CALCRL: variants seen among roughly 807,000 people sequenced by gnomAD.
The protein encoded by CALCRL is calcitonin receptor like receptor.
CALCRL carries 27 observed loss-of-function variants against 60.4 expected under a neutral mutation model. The observed-to-expected ratio is 0.45, with a 90% confidence interval of 0.33 to 0.62. CALCRL has a LOEUF of 0.62. Ranked by LOEUF, CALCRL falls within the 20% of genes least tolerant of loss-of-function variation. CALCRL has a pLI of 0.03. For synonymous variants in CALCRL, 190 were observed against 182.6 expected (o/e 1.04, Z -0.33); for missense variants, 424 against 540.7 (o/e 0.78, Z 2.14).
chr2:187,373,219 C>T (rs999755019), intron 8 of CALCRL, among the ~76,000 whole-genome samples: 5 of 152,202 alleles, frequency 3.3e-5, no homozygotes, highest in African/African-American at 1.2e-4. Context: ...GAGACTCCTG[C>T]TCTCACAAAG....
At chr2:187,391,072 T>C in intron 1 of CALCRL, among the ~76,000 whole-genome samples, 1 of 152,154 alleles carries the variant, frequency 6.6e-6, no homozygotes, top group Admixed American at 6.6e-5. Context: ...CATAATGCCA[T>C]TGCAAATATA....
chr2:187,387,649 A>C lies in CALCRL; in HGVS notation c.-202+17T>G, dbSNP rs1385516645. On this transcript the variant is annotated intron_variant, in intron 2 of 14. Coordinates refer to ENST00000392370, the MANE Select transcript of CALCRL (RefSeq NM_005795.6). ...ATTAAATTTTACCATGAGAAAATTT[A>C]ATTTCCCAATACTTACATGCACAAT... 2.3e-5 allele frequency: 9 copies of C among 396,448 alleles called. No individual in the cohort carries two copies. The highest frequency in any genetic ancestry group is 3.1e-5 in the Non-Finnish European group (7 of 224,866). The allele number at this position is 396,448 out of a possible 1,614,324, so 24.6% of individuals were successfully genotyped here.
At position 187,342,884 on chromosome 2, in the gene CALCRL, A is replaced by T. The variant is rs540847034; in HGVS notation, c.*3300T>A. Among the ~76,000 whole-genome samples, 10 of 151,652 alleles carry T rather than the reference A, an allele frequency of 6.6e-5. No individual in the cohort carries two copies. In the East Asian group the frequency reaches 1.9e-3, roughly 29 times the overall value. On this transcript the variant is annotated 3_prime_UTR_variant, in exon 15 of 15. Coordinates refer to ENST00000392370, the MANE Select transcript of CALCRL (RefSeq NM_005795.6). ...TAAACGAAATCTTTGAAACATTTTC[A>T]TTTTATATTTGTGTGAGAGCCATGA...
intron 1 of CALCRL, among the ~76,000 whole-genome samples, chr2:187,400,170 A>G (rs1029811967): frequency 2.0e-5 from 3 of 151,520 alleles, no homozygotes; most frequent in African/African-American, 7.3e-5. Context: ...ATCACTACAC[A>G]TTGTATGTAT....
At chr2:187,372,511 T>C (rs1039287490) in intron 8 of CALCRL, among the ~76,000 whole-genome samples, 6 of 152,046 alleles carry the variant, frequency 3.9e-5, no homozygotes, top group African/African-American at 1.5e-4. Context: ...AACTGAAGTA[T>C]ATCTGGTGAA....
intron 8 of CALCRL, among the ~76,000 whole-genome samples, chr2:187,365,542 C>A (rs567390500): frequency 6.6e-6 from 1 of 152,274 alleles, no homozygotes; most frequent in East Asian, 1.9e-4. Flanking sequence ...ACACATATAT[C>A]TAAGTCCATT....
intron 1 of CALCRL, among the ~76,000 whole-genome samples, chr2:187,400,221 A>AT (rs201645031): frequency 6.6e-5 from 10 of 150,472 alleles, no homozygotes; most frequent in African/African-American, 2.2e-4. Context: ...ATTATGTGTC[A>AT]TTTTTTTAAA....
intron 8 of CALCRL, among the ~76,000 whole-genome samples, chr2:187,371,460 C>T (rs1487798932): frequency 1.3e-5 from 2 of 151,874 alleles, no homozygotes; most frequent in African/African-American, 4.8e-5. Context: ...CTTGTCAAAC[C>T]TCTGACAGTG....
intron 1 of CALCRL, among the ~76,000 whole-genome samples, chr2:187,431,620 C>A (rs143660277): frequency 6.6e-6 from 1 of 152,170 alleles, no homozygotes; most frequent in East Asian, 1.9e-4. Flanking sequence ...GGAACTCCAA[C>A]AGGCACAAAC....
chr2:187,410,862 A>C (rs565759470), intron 1 of CALCRL, among the ~76,000 whole-genome samples: 2 of 152,190 alleles, frequency 1.3e-5, no homozygotes, highest in African/African-American at 4.8e-5. Flanking sequence ...CAAGAGGCTC[A>C]AAGTGTGTGT....
chr2:187,419,384 G>C (rs910829879), intron 1 of CALCRL, among the ~76,000 whole-genome samples: 3 of 152,122 alleles, frequency 2.0e-5, no homozygotes, highest in Admixed American at 1.3e-4. Flanking sequence ...GCAATAAGAA[G>C]GTGACCCTCT....
At position 187,345,903 on chromosome 2, in the gene CALCRL, G is replaced by A. The variant is rs1479169331; in HGVS notation, c.*281C>T. The A allele has an allele frequency of 1.5e-5, 4 of 270,552 alleles. No individual in the cohort carries two copies. The highest frequency in any genetic ancestry group is 1.6e-4 in the East Asian group (2 of 12,750). The allele number at this position is 270,552 out of a possible 1,614,324, so 16.8% of individuals were successfully genotyped here. ...TTACACCAGCTCAGAAAAGTTGATT[G>A]TGCTTTTCTCCAATTCCACACTTGG... On this transcript the variant is annotated 3_prime_UTR_variant, in exon 15 of 15. Coordinates refer to ENST00000392370, the MANE Select transcript of CALCRL (RefSeq NM_005795.6).
intron 8 of CALCRL, among the ~76,000 whole-genome samples, chr2:187,374,173 C>T (rs941632133): frequency 6.6e-6 from 1 of 151,584 alleles, no homozygotes; most frequent in Non-Finnish European, 1.5e-5. Context: ...ATCTCTAAAA[C>T]AAGAAAGAAA....
In CALCRL at chr2:187,346,007, T is replaced by C. The variant is rs1686254758; in HGVS notation, c.*177A>G. ...ACATTACAAACCAGGATTTCTTTTT[T>C]CCCACATAGAGCTGGATGTTACACT... On this transcript the variant is annotated 3_prime_UTR_variant, in exon 15 of 15. Coordinates refer to ENST00000392370, the MANE Select transcript of CALCRL (RefSeq NM_005795.6). The C allele has an allele frequency of 2.0e-6, 1 of 495,046 alleles. No individual in the cohort carries two copies. Among genetic ancestry groups the C allele is most frequent in the Non-Finnish European group, 3.6e-6 (1 of 279,942 alleles). The allele number at this position is 495,046 out of a possible 1,614,324, so 30.7% of individuals were successfully genotyped here.
At chr2:187,381,226 A>G (rs1386356126) in intron 5 of CALCRL, among the ~76,000 whole-genome samples, 1 of 152,032 alleles carries the variant, frequency 6.6e-6, no homozygotes, top group East Asian at 1.9e-4. Flanking sequence ...ATATTCCAAT[A>G]TTTCCTATTA....
At position 187,386,975 on chromosome 2, in the gene CALCRL, G is replaced by A. The variant is rs148088510; in HGVS notation, c.-37+354C>T. On this transcript the variant is annotated intron_variant, in intron 3 of 14. Coordinates refer to ENST00000392370, the MANE Select transcript of CALCRL (RefSeq NM_005795.6). ...ATGATTGTGAGGCCTTCCCAGCCAC[G>A]TGAAACTGTAAGTGCATTAAACCTC... 7.2e-5 allele frequency among the ~76,000 whole-genome samples: 11 copies of A among 152,284 alleles called. No homozygotes were observed. In the East Asian group the frequency reaches 1.9e-3, roughly 27 times the overall value.
chr2:187,410,379 A>G (rs1689305666), intron 1 of CALCRL, among the ~76,000 whole-genome samples: 1 of 152,098 alleles, frequency 6.6e-6, no homozygotes, highest in Admixed American at 6.5e-5. Flanking sequence ...TTTACAGAAG[A>G]GAAGAGATAT....
intron 8 of CALCRL, among the ~76,000 whole-genome samples, chr2:187,374,071 T>C (rs1016478064): frequency 1.5e-4 from 23 of 151,866 alleles, no homozygotes; most frequent in Admixed American, 1.2e-3. Flanking sequence ...GGAGGCTGGG[T>C]GGGGGAGGAT....
intron 1 of CALCRL, among the ~76,000 whole-genome samples, chr2:187,402,316 T>A (rs1052819183): frequency 4.4e-4 from 67 of 151,776 alleles, no homozygotes; most frequent in African/African-American, 1.2e-3. Flanking sequence ...TAGAATGATA[T>A]GTACAAATAT....
Sources: allele counts gnomAD v4.1 joint callset (sites outside exome capture counted in the v4.1 genomes callset), GRCh38; gene constraint gnomAD v4.1.1; transcripts MANE v1.5; gene names NCBI Gene and HGNC (gene_info 2026-07-23, HGNC 2026-07-21).